MICAL3: variants seen among roughly 807,000 people sequenced by gnomAD.
The protein encoded by MICAL3 is microtubule associated monooxygenase, calponin and LIM domain containing 3.
MICAL3 carries 62 observed loss-of-function variants against 207.4 expected under a neutral mutation model. The ratio of observed to expected loss-of-function variants is 0.30; its 90% CI spans 0.24 to 0.37. The LOEUF (loss-of-function observed/expected upper bound fraction) is 0.37. Among genes scored for constraint, MICAL3 ranks in the 10% least tolerant of loss-of-function variants. MICAL3 has a pLI of 1.00. For synonymous variants in MICAL3, 1,077 were observed against 1,069.3 expected, an observed-to-expected ratio of 1.01 and a Z score of -0.14; for missense variants, 2,368 against 2,635.6, an observed-to-expected ratio of 0.90 and a Z score of 2.22.
chr22:17,874,535 G>A (rs571130943), intron 16 of MICAL3, among the ~76,000 whole-genome samples: 35 of 152,312 alleles, frequency 2.3e-4, no homozygotes, highest in African/African-American at 3.1e-4. Flanking sequence ...GGGGCTGCCC[G>A]TGCAAAGGCA....
At chr22:17,823,370 G>A (rs973712355) in intron 22 of MICAL3, among the ~76,000 whole-genome samples, 1 of 152,258 alleles carries the variant, frequency 6.6e-6, no homozygotes, top group African/African-American at 2.4e-5. Flanking sequence ...TTGGAGGAGG[G>A]TGGAAAGGGA....
intron 5 of MICAL3, 83 bp from the exon 6 acceptor site, chr22:17,901,080 A>G: frequency 7.3e-7 from 1 of 1,365,176 alleles, no homozygotes; most frequent in Non-Finnish European, 1.0e-6. Context: ...GTGCTGATAA[A>G]GACAACAGGG....
chr22:17,887,174 T>C lies in MICAL3; in HGVS notation c.2063A>G (p.Glu688Gly). ...AATTCCCCAAGTGAATCTCACCTCC[T>C]CTGATTGACTGGTCTTTCTCCTCTT... ...AGKRRKTSQS[E>G]EEEAPRGHRG... The change falls in exon 15 of 32, where the codon GAG becomes GGG. Residue 688 changes from glutamate to glycine, a missense_variant. By Grantham distance (98) the Glu-to-Gly change is moderately conservative (BLOSUM62 -2). This residue lies in a region of MICAL3 where 1,770 missense variants were observed against 1,863.2 expected (regional missense o/e 0.95). Transcript: ENST00000441493. 1 of 1,613,412 alleles carries C rather than the reference T, an allele frequency of 6.2e-7. No homozygotes were observed. Among genetic ancestry groups the C allele is most frequent in the Non-Finnish European group, 8.5e-7 (1 of 1,179,530 alleles).
chr22:17,940,798 A>G (rs1275194363), intron 1 of MICAL3, among the ~76,000 whole-genome samples: 2 of 152,170 alleles, frequency 1.3e-5, no homozygotes, highest in Admixed American at 1.3e-4. Flanking sequence ...TTCTCAAAGG[A>G]AAGGCTATAA....
chr22:17,819,472 G>A (rs774590524), intron 25 of MICAL3, among the ~76,000 whole-genome samples: 13 of 152,130 alleles, frequency 8.5e-5, no homozygotes, highest in Non-Finnish European at 1.3e-4. Context: ...GCCCCAGAGC[G>A]CCAAGATCCC....
intron 1 of MICAL3, among the ~76,000 whole-genome samples, chr22:17,959,710 G>A (rs1934806006): frequency 6.6e-6 from 1 of 152,168 alleles, no homozygotes; most frequent in Non-Finnish European, 1.5e-5. Flanking sequence ...GGGTTGAGTG[G>A]GTCAGGACTG....
intron 7 of MICAL3, chr22:17,899,219 A>G: frequency 1.7e-6 from 1 of 582,980 alleles, no homozygotes; most frequent in East Asian, 3.2e-5. Context: ...GCTGGACGGT[A>G]GGTACGTGAG....
At chr22:17,968,544 C>T (rs985901987) in intron 1 of MICAL3, among the ~76,000 whole-genome samples, 1 of 152,156 alleles carries the variant, frequency 6.6e-6, no homozygotes, top group South Asian at 2.1e-4. Flanking sequence ...GTATGTGCCT[C>T]TTATGGATGT....
At chr22:17,843,000 A>G (rs1660878882) in intron 19 of MICAL3, among the ~76,000 whole-genome samples, 2 of 151,882 alleles carry the variant, frequency 1.3e-5, no homozygotes, top group South Asian at 2.1e-4. Context: ...GGGCGCCTGT[A>G]GTCCCAGCTA....
chr22:17,894,354 C>T (rs560555006), intron 10 of MICAL3, among the ~76,000 whole-genome samples: 44 of 147,738 alleles, frequency 3.0e-4, no homozygotes, highest in Non-Finnish European at 5.6e-4. Flanking sequence ...ATAGTGCCAC[C>T]ACACCCCAGA....
At chr22:17,919,438 T>G (rs1284710922) in intron 1 of MICAL3, among the ~76,000 whole-genome samples, 1 of 152,250 alleles carries the variant, frequency 6.6e-6, no homozygotes, top group Non-Finnish European at 1.5e-5. Context: ...TTTTATTCAC[T>G]GTTGCGTCCT....
chr22:17,970,059 T>C (rs1210613312), intron 1 of MICAL3, among the ~76,000 whole-genome samples: 1 of 152,216 alleles, frequency 6.6e-6, no homozygotes, highest in Admixed American at 6.5e-5. Context: ...GCAGAGGGAC[T>C]GGGCCGTTGC....
rs765286616 is a variant in MICAL3 at position 17,827,789 on chromosome 22, C to T, written c.3056-8G>A. The T allele has an allele frequency of 4.5e-6, 7 of 1,543,730 alleles. No homozygotes were observed. Among genetic ancestry groups the T allele is most frequent in the Middle Eastern group, 3.4e-4 (2 of 5,966 alleles). ...GGAGCCTCTGGTTCCCGGCTAGTGT[C>T]CCAGGGTCAAGGGGTGGAGAAATGA... is the stretch of plus-strand genomic sequence containing the variant. On this transcript the variant is annotated splice_region_variant and splice_polypyrimidine_tract_variant and intron_variant, in intron 21 of 31. Coordinates refer to ENST00000441493, the MANE Select transcript of MICAL3 (RefSeq NM_015241.3).
At chr22:17,981,969 G>A (rs1412735238) in intron 1 of MICAL3, among the ~76,000 whole-genome samples, 1 of 152,108 alleles carries the variant, frequency 6.6e-6, no homozygotes, top group East Asian at 1.9e-4. Flanking sequence ...GCAGGGAGTA[G>A]TGGTGCTTGC....
chr22:18,022,428 A>C (rs999483520), intron 1 of MICAL3, among the ~76,000 whole-genome samples: 11 of 139,374 alleles, frequency 7.9e-5, no homozygotes, highest in South Asian at 4.7e-4. Flanking sequence ...CTGCACCCCC[A>C]CCCTTTTTTT....
At chr22:17,943,705 T>C (rs979024333) in intron 1 of MICAL3, among the ~76,000 whole-genome samples, 14 of 152,164 alleles carry the variant, frequency 9.2e-5, no homozygotes, top group Admixed American at 3.3e-4. Flanking sequence ...AGAGCAATAA[T>C]AGCTTTGCTG....
intron 19 of MICAL3, among the ~76,000 whole-genome samples, chr22:17,848,280 G>A (rs1924853017): frequency 1.3e-5 from 2 of 152,136 alleles, no homozygotes; most frequent in African/African-American, 2.4e-5. Flanking sequence ...GGCTGTAAGC[G>A]GGATCCATGC....
intron 1 of MICAL3, among the ~76,000 whole-genome samples, chr22:17,914,122 A>G (rs1441928918): frequency 2.0e-5 from 3 of 152,278 alleles, no homozygotes; most frequent in Non-Finnish European, 4.4e-5. Flanking sequence ...ATGAAAGCGC[A>G]TACTCAGTCT....
intron 16 of MICAL3, among the ~76,000 whole-genome samples, chr22:17,873,062 C>T (rs1927890197): frequency 6.6e-6 from 1 of 152,208 alleles, no homozygotes; most frequent in South Asian, 2.1e-4. Flanking sequence ...CGCAGGGGTA[C>T]CGGCACAGGC....
Sources: allele counts gnomAD v4.1 joint callset (sites outside exome capture counted in the v4.1 genomes callset), GRCh38; gene constraint gnomAD v4.1.1; regional missense constraint gnomAD v4.1.1; transcripts MANE v1.5; gene names NCBI Gene and HGNC (gene_info 2026-07-23, HGNC 2026-07-21).